SGF29: variants seen among roughly 807,000 people sequenced by gnomAD.
The protein encoded by SGF29 is SAGA-associated factor 29.
In SGF29, 15 loss-of-function variants were observed where a neutral mutation model predicts 38.1. The ratio of observed to expected loss-of-function variants is 0.39; its 90% CI spans 0.26 to 0.61. The LOEUF (loss-of-function observed/expected upper bound fraction) is 0.61, where lower values mean the gene tolerates loss of function less well. Ranked by LOEUF, SGF29 falls within the 20% of genes least tolerant of loss-of-function variation. The pLI is 0.49. For synonymous variants in SGF29, 151 were observed against 160.8 expected (o/e 0.94, Z 0.46); for missense variants, 184 against 394.6 (o/e 0.47, Z 4.52).
rs758417441 is a variant in SGF29 at position 28,590,781 on chromosome 16, C to T, written c.611C>T (p.Thr204Ile). Residue 204 changes from threonine (T) to isoleucine (I), a missense_variant, in exon 9 of 10, where the codon ACC becomes ATC. Transcript: ENST00000317058. The surrounding 1 kb of genome is among the most constrained non-coding windows in gnomAD (Gnocchi z 8.2). ...DIDEEGKERH[T>I]LSRRRVIPLP... ...AGCCCCTCTTCCCCCAGGAGACACACCCTGAGCCGGCGCCGTGTCATCCCG... is the reference window on the plus strand; with the variant it reads ...AGCCCCTCTTCCCCCAGGAGACACATCCTGAGCCGGCGCCGTGTCATCCCG... The T allele has an allele frequency of 1.2e-6, 2 of 1,614,036 alleles. No individual in the cohort carries two copies. Among genetic ancestry groups the T allele is most frequent in the Non-Finnish European group, 1.7e-6 (2 of 1,179,954 alleles).
At chr16:28,588,729 C>T (rs1206912074) in intron 4 of SGF29, 2 of 365,436 alleles carry the variant, frequency 5.5e-6, no homozygotes, top group East Asian at 8.1e-5. Flanking sequence ...CGCCACCACA[C>T]CTGGCTAAGT....
At chr16:28,587,571 G>C (rs966436941) in intron 4 of SGF29, among the ~76,000 whole-genome samples, 1 of 152,188 alleles carries the variant, frequency 6.6e-6, no homozygotes, top group African/African-American at 2.4e-5. Flanking sequence ...TCCATCTTCT[G>C]GCCCTGGCCT....
intron 1 of SGF29, among the ~76,000 whole-genome samples, chr16:28,580,177 A>G (rs2046916988): frequency 6.6e-6 from 1 of 152,164 alleles, no homozygotes; most frequent in African/African-American, 2.4e-5. Context: ...ATTTATATAC[A>G]AAAATTATAC....
intron 1 of SGF29, among the ~76,000 whole-genome samples, chr16:28,562,491 C>A (rs1357122088): frequency 6.6e-6 from 1 of 152,064 alleles, no homozygotes; most frequent in Admixed American, 6.6e-5. Flanking sequence ...TGTATTGATG[C>A]TGGGCATGCT....
chr16:28,558,539 A>G (rs2046767126), intron 1 of SGF29, among the ~76,000 whole-genome samples: 1 of 152,116 alleles, frequency 6.6e-6, no homozygotes, highest in African/African-American at 2.4e-5. Flanking sequence ...GATTACAGGC[A>G]TGAGCCACTG....
At chr16:28,567,435 C>T (rs2046841600) in intron 1 of SGF29, among the ~76,000 whole-genome samples, 1 of 152,174 alleles carries the variant, frequency 6.6e-6, no homozygotes, top group Non-Finnish European at 1.5e-5. Context: ...GTTGTTTATA[C>T]ATTCCCTAGT....
rs975030869 is a variant in SGF29 at position 28,590,948 on chromosome 16, C to T, written c.765+13C>T. On this transcript the variant is annotated intron_variant, in intron 9 of 9. Coordinates refer to ENST00000317058, the MANE Select transcript of SGF29 (RefSeq NM_138414.3). The surrounding 1 kb of genome is among the most constrained non-coding windows in gnomAD (Gnocchi z 8.2). ...GCCCCCACAGCGGGTAAAGCAGCCT[C>T]CAGGGGAGAGGCCATGGGTGATGTC... is the stretch of plus-strand genomic sequence containing the variant. 1 of 1,599,384 alleles carries T rather than the reference C, an allele frequency of 6.3e-7. No individual in the cohort carries two copies. Among genetic ancestry groups the T allele is most frequent in the African/African-American group, 1.3e-5 (1 of 74,552 alleles).
Position 28,584,954 on chromosome 16 carries a change from G to C in SGF29, c.117G>C (p.Gln39His). The C allele has an allele frequency of 6.2e-7, 1 of 1,613,938 alleles. No individual in the cohort carries two copies. The highest frequency in any genetic ancestry group is 8.5e-7 in the Non-Finnish European group (1 of 1,180,002). The change falls in exon 3 of 10, where the codon CAG becomes CAC. Residue 39 changes from glutamine (Q) to histidine (H), a missense_variant. This residue lies in a region of SGF29 where 77 missense variants were observed against 117.7 expected (regional missense o/e 0.65). Coordinates refer to ENST00000317058, the MANE Select transcript of SGF29 (RefSeq NM_138414.3). ...GCGAACACAACTTAGTGAACATCCAGAAGACCCATGAGCGGATGCAGACAG... is the reference window on the plus strand; with the variant it reads ...GCGAACACAACTTAGTGAACATCCACAAGACCCATGAGCGGATGCAGACAG... ...SRSEHNLVNI[Q>H]KTHERMQTEN...
intron 1 of SGF29, among the ~76,000 whole-genome samples, chr16:28,564,568 TATATATATACAC>T (rs2046813210): frequency 1.5e-5 from 2 of 132,664 alleles, no homozygotes; most frequent in African/African-American, 5.5e-5. Flanking sequence ...TATATATACG[TATATATATACAC>T]GTATATATAT....
rs2046972960 is a variant in SGF29, at chr16:28,589,271, A to G, written c.289+107A>G. The G allele has an allele frequency of 3.5e-6, 4 of 1,143,268 alleles. No individual in the cohort carries two copies. The South Asian group carries it at 3.8e-5, about 11-fold the overall frequency. 70.8% of individuals were successfully genotyped at this position (1,143,268 alleles called of 1,614,324 possible). On this transcript the variant is annotated intron_variant, in intron 5 of 9. Transcript: ENST00000317058. ...GGGCCTGTGGCCACCACCTGCTGGC[A>G]TCCTCCCATGGAGGCTCTGGCAGAC...
chr16:28,588,544 G>T, intron 4 of SGF29: 1 of 416,992 alleles, frequency 2.4e-6, no homozygotes, highest in Non-Finnish European at 4.6e-6. Context: ...AAGACTAAAA[G>T]ACACATACTG....
At chr16:28,567,522 C>A (rs1335756956) in intron 1 of SGF29, among the ~76,000 whole-genome samples, 2 of 152,006 alleles carry the variant, frequency 1.3e-5, no homozygotes, top group Non-Finnish European at 2.9e-5. Context: ...ATAACAAATA[C>A]CTGAAGATAT....
chr16:28,560,119 G>A (rs2046777079), intron 1 of SGF29, among the ~76,000 whole-genome samples: 1 of 151,636 alleles, frequency 6.6e-6, no homozygotes, highest in Admixed American at 6.6e-5. Context: ...GTACACAGGA[G>A]GCTCAGGAGG....
At position 28,590,576 on chromosome 16, in the gene SGF29, C is replaced by A; in HGVS notation, c.567-55C>A. 6.2e-7 allele frequency: 1 copy of A among 1,612,618 alleles called. No individual in the cohort carries two copies. ...CCAGGTCCTCCCCCATCCTCACTCC[C>A]CAACAGGTACTGCGCCCCTGGCTGC... is the stretch of plus-strand genomic sequence containing the variant. On this transcript the variant is annotated intron_variant, in intron 7 of 9. Transcript: ENST00000317058. This position sits in a 1 kb window ranked among gnomAD's most constrained non-coding sequence, Gnocchi z 8.2.
chr16:28,585,511 C>T, intron 3 of SGF29, 137 bp from the exon 4 acceptor site: 2 of 781,400 alleles, frequency 2.6e-6, no homozygotes, highest in South Asian at 1.5e-5. Flanking sequence ...CTCAGGAGCA[C>T]TCCTGAGCCA....
intron 2 of SGF29, among the ~76,000 whole-genome samples, chr16:28,584,068 G>T (rs1427307258): frequency 3.3e-5 from 5 of 150,606 alleles, no homozygotes; most frequent in African/African-American, 1.2e-4. Context: ...TGTCACCCAG[G>T]CTGGAGTGCA....
chr16:28,584,846 C>T, intron 2 of SGF29, 67 bp from the exon 3 acceptor site: 1 of 1,188,396 alleles, frequency 8.4e-7, no homozygotes, highest in Non-Finnish European at 1.2e-6. Flanking sequence ...GGACTCTGGC[C>T]TGGCTGGCAG....
chr16:28,576,285 A>C (rs950386430), intron 1 of SGF29, among the ~76,000 whole-genome samples: 1 of 152,176 alleles, frequency 6.6e-6, no homozygotes, highest in South Asian at 2.1e-4. Flanking sequence ...AGCGGGAAAG[A>C]TAACCATCGG....
Position 28,584,922 on chromosome 16 carries a change from TC to T in SGF29, c.86del (p.Ser29CysfsTer7). ...GCTCTTTTCCTTACAGGAAGAGCGT[TC>T]GCGGAGCGAACACAACTTAGTGAAC... ...QLIKQTQEER[S>X]RSEHNLVNIQ... On this transcript the variant is annotated frameshift_variant, in exon 3 of 10. Transcript: ENST00000317058. LOFTEE classifies it high-confidence loss of function. 6.2e-7 allele frequency: 1 copy of T among 1,613,102 alleles called. No homozygotes were observed. Among genetic ancestry groups the T allele is most frequent in the Non-Finnish European group, 8.5e-7 (1 of 1,179,692 alleles).
Sources: allele counts gnomAD v4.1 joint callset (sites outside exome capture counted in the v4.1 genomes callset), GRCh38; gene constraint gnomAD v4.1.1; regional missense constraint gnomAD v4.1.1; non-coding constraint Gnocchi (gnomAD v3.1); transcripts MANE v1.5; gene names NCBI Gene and HGNC (gene_info 2026-07-23, HGNC 2026-07-21).